The following TSNARE1 variants were observed in gnomAD, a reference collection of about 807,000 sequenced individuals.
The protein encoded by TSNARE1 is t-SNARE domain-containing protein 1.
In TSNARE1, 49 loss-of-function variants were observed where a neutral mutation model predicts 62.0. The ratio of observed to expected loss-of-function variants is 0.79; its 90% CI spans 0.63 to 1.00. The LOEUF (loss-of-function observed/expected upper bound fraction) is 1.00, where lower values mean the gene tolerates loss of function less well. Among genes scored for constraint, TSNARE1 ranks in the 50% least tolerant of loss-of-function variants. The pLI is 0.00. For synonymous variants in TSNARE1, 328 were observed against 294.4 expected, an observed-to-expected ratio of 1.11 and a Z score of -1.17; for missense variants, 755 against 700.1, an observed-to-expected ratio of 1.08 and a Z score of -0.88.
intron 2 of TSNARE1, among the ~76,000 whole-genome samples, chr8:142,347,331 G>A (rs936196622): frequency 1.3e-5 from 2 of 152,260 alleles, no homozygotes; most frequent in Non-Finnish European, 2.9e-5. Context: ...CCAAGGCCCG[G>A]AGGGGGCCCA....
chr8:142,349,192 G>A (rs1387525772), intron 2 of TSNARE1, among the ~76,000 whole-genome samples: 4 of 152,172 alleles, frequency 2.6e-5, no homozygotes, highest in South Asian at 2.1e-4. Context: ...ATGTGTGTTC[G>A]GGTTTGAAAT....
At chr8:142,250,015 C>A (rs1193192839) in intron 12 of TSNARE1, among the ~76,000 whole-genome samples, 1 of 152,146 alleles carries the variant, frequency 6.6e-6, no homozygotes, top group African/African-American at 2.4e-5. Context: ...CTGCCGCAAA[C>A]CTGCTGAGGG....
intron 13 of TSNARE1, among the ~76,000 whole-genome samples, chr8:142,219,952 A>C (rs1247458369): frequency 6.6e-6 from 1 of 152,146 alleles, no homozygotes; most frequent in East Asian, 1.9e-4. Context: ...GGTGAGGAAG[A>C]GACGGAGGGG....
intron 13 of TSNARE1, among the ~76,000 whole-genome samples, chr8:142,215,640 C>A (rs888406012): frequency 1.3e-5 from 2 of 152,124 alleles, no homozygotes; most frequent in African/African-American, 4.8e-5. Flanking sequence ...GCCCTCACAC[C>A]TGGAGGGCAG....
chr8:142,281,743 G>T (rs1351408783), intron 11 of TSNARE1, among the ~76,000 whole-genome samples: 1 of 152,062 alleles, frequency 6.6e-6, no homozygotes, highest in Non-Finnish European at 1.5e-5. Context: ...GCGGGTGGGG[G>T]CGCTGGGGAG....
intron 12 of TSNARE1, among the ~76,000 whole-genome samples, chr8:142,268,815 C>T (rs561946734): frequency 6.6e-6 from 1 of 152,276 alleles, no homozygotes; most frequent in South Asian, 2.1e-4. Context: ...CCATGAGGAC[C>T]ACGGCAGAGA....
chr8:142,224,979 G>T (rs1396155725), intron 13 of TSNARE1, among the ~76,000 whole-genome samples: 2 of 152,110 alleles, frequency 1.3e-5, no homozygotes, highest in Non-Finnish European at 2.9e-5. Flanking sequence ...GAGCCTGCAG[G>T]CTGGGAGCTG....
rs1288226892 is a variant in TSNARE1 at position 142,314,429 on chromosome 8, T to C, written c.1086A>G (p.Glu362=). The change falls in exon 9 of 14, where the codon GAA becomes GAG. Residue 362 remains glutamate (E), a synonymous_variant. Transcript: ENST00000524325. The stretch of plus-strand genomic sequence containing the variant: ...CCATGGGAAGCAGCGCTCTGGACTT[T>C]TCTGCAATTTTCTGTTGAAAAAAGG... The part of the protein sequence containing the change: ...CYGVVQKKIA[E]KSRALLPMAQ... 6.2e-7 allele frequency: 1 copy of C among 1,613,954 alleles called. No homozygotes were observed. Among genetic ancestry groups the C allele is most frequent in the Non-Finnish European group, 8.5e-7 (1 of 1,179,924 alleles).
intron 4 of TSNARE1, among the ~76,000 whole-genome samples, chr8:142,342,061 C>T (rs1254058325): frequency 3.9e-5 from 6 of 152,348 alleles, no homozygotes; most frequent in Non-Finnish European, 8.8e-5. Context: ...GAGCAGAGGC[C>T]CTGTCCTCGG....
intron 12 of TSNARE1, among the ~76,000 whole-genome samples, chr8:142,267,054 C>T (rs1326564216): frequency 6.6e-6 from 1 of 152,192 alleles, no homozygotes; most frequent in Non-Finnish European, 1.5e-5. Context: ...TTTGTGATTT[C>T]ATCTTTTTAT....
chr8:142,348,144 A>G (rs889288383), intron 2 of TSNARE1, among the ~76,000 whole-genome samples: 35 of 152,344 alleles, frequency 2.3e-4, no homozygotes, highest in East Asian at 9.6e-4. Context: ...CAACATCCAG[A>G]GATAAACATT....
At chr8:142,244,925 G>A (rs995362002) in intron 12 of TSNARE1, among the ~76,000 whole-genome samples, 1 of 152,230 alleles carries the variant, frequency 6.6e-6, no homozygotes, top group Non-Finnish European at 1.5e-5. Context: ...CTCAGAGAGT[G>A]TTGGCTTTGA....
chr8:142,262,330 T>A (rs575883777), intron 12 of TSNARE1, among the ~76,000 whole-genome samples: 3 of 151,702 alleles, frequency 2.0e-5, no homozygotes, highest in Non-Finnish European at 4.4e-5. Context: ...TGAACGTGTG[T>A]GTGTGTGTGT....
At chr8:142,254,872 G>A (rs1002641767) in intron 12 of TSNARE1, among the ~76,000 whole-genome samples, 1 of 152,166 alleles carries the variant, frequency 6.6e-6, no homozygotes, top group Non-Finnish European at 1.5e-5. Context: ...CCGGGGCTCT[G>A]GTGCTGAAGC....
intron 12 of TSNARE1, chr8:142,271,612 G>T (rs1586918572): frequency 3.5e-6 from 5 of 1,433,042 alleles, no homozygotes; most frequent in Non-Finnish European, 4.6e-6. Context: ...AGTCCAGGGG[G>T]TCAGGTTCAG....
chr8:142,355,895 G>T (rs1462130003), intron 1 of TSNARE1, among the ~76,000 whole-genome samples: 1 of 152,162 alleles, frequency 6.6e-6, no homozygotes, highest in African/African-American at 2.4e-5. Context: ...GCCCAGAGCA[G>T]GGCAGCACCA....
At chr8:142,406,601 A>G (rs1838587438), upstream of TSNARE1, 1 of 152,230 alleles carries the variant, frequency 6.6e-6, no homozygotes. Flanking sequence ...AGGAGAAGAA[A>G]CTTTGGTCCT....
At chr8:142,281,934 G>C (rs138561857) in intron 11 of TSNARE1, among the ~76,000 whole-genome samples, 2 of 152,168 alleles carry the variant, frequency 1.3e-5, no homozygotes, top group Non-Finnish European at 2.9e-5. Context: ...AGCAGCAAAA[G>C]GGTAGGGCTT....
intron 13 of TSNARE1, among the ~76,000 whole-genome samples, chr8:142,225,889 G>A (rs527360060): frequency 1.3e-4 from 20 of 152,308 alleles, no homozygotes; most frequent in African/African-American, 4.1e-4. Context: ...TGGCAGGGCC[G>A]TGCATGCCAG....
Sources: allele counts gnomAD v4.1 joint callset (sites outside exome capture counted in the v4.1 genomes callset), GRCh38; gene constraint gnomAD v4.1.1; transcripts MANE v1.5; gene names NCBI Gene and HGNC (gene_info 2026-07-23, HGNC 2026-07-21).